The following C14orf132 variants were observed in gnomAD, a reference collection of about 807,000 sequenced individuals.
C14orf132 encodes chromosome 14 open reading frame 132.
In C14orf132, 6 loss-of-function variants were observed where a neutral mutation model predicts 5.8. That is an observed-to-expected ratio of 1.03 (90% confidence interval 0.57 to 2.04). The LOEUF is 2.04. Among genes scored for constraint, C14orf132 ranks in the 30% most tolerant of loss-of-function variants. C14orf132 has a pLI of 0.00. For synonymous variants in C14orf132, 51 were observed against 49.8 expected (o/e 1.02, Z -0.10); for missense variants, 125 against 115.8 (o/e 1.08, Z -0.37).
chr14:96,061,974 TA>T (rs1339526394), intron 1 of C14orf132, among the ~76,000 whole-genome samples: 1 of 152,174 alleles, frequency 6.6e-6, no homozygotes, highest in East Asian at 1.9e-4. Flanking sequence ...ACAGCTTTCT[TA>T]CAAATGCTCA....
rs906673029 is a variant in C14orf132 at position 96,063,257 on chromosome 14, A to T, written c.28-23254A>T. Among the ~76,000 whole-genome samples the T allele has an allele frequency of 7.9e-5, 12 of 152,026 alleles. 1 individual carries two copies. The highest frequency in any genetic ancestry group is 3.9e-4 in the East Asian group (2 of 5,162). ...GGATGGAGGTTCCGTATAAGAACTG[A>T]CCTCTTGAAAAGTACTGTCCACCCA... On this transcript the variant is annotated intron_variant, in intron 1 of 1. Coordinates refer to ENST00000555004, the MANE Select transcript of C14orf132 (RefSeq NM_001252507.3).
chr14:96,048,956 G>A (rs368605501), intron 1 of C14orf132, among the ~76,000 whole-genome samples: 17 of 152,080 alleles, frequency 1.1e-4, no homozygotes, highest in African/African-American at 2.4e-4. Flanking sequence ...ATGGAGTCTC[G>A]CTCTGTCATC....
chr14:96,063,549 T>C (rs1356362730), intron 1 of C14orf132, among the ~76,000 whole-genome samples: 1 of 152,066 alleles, frequency 6.6e-6, no homozygotes, highest in Non-Finnish European at 1.5e-5. Flanking sequence ...CCTCAGGTGA[T>C]CCACCTGCCT....
chr14:96,049,450 C>T (rs1031360183), intron 1 of C14orf132, among the ~76,000 whole-genome samples: 1 of 147,680 alleles, frequency 6.8e-6, no homozygotes. Flanking sequence ...ACACCATTCT[C>T]CTGCCTCAGC....
chr14:96,039,389 G>C lies in C14orf132; in HGVS notation c.-112G>C. The C allele has an allele frequency of 9.4e-7, 1 of 1,061,148 alleles. No individual in the cohort carries two copies. The highest frequency in any genetic ancestry group is 2.3e-5 in the South Asian group (1 of 44,286). The allele number at this position is 1,061,148 out of a possible 1,614,324, so 65.7% of individuals were successfully genotyped here. ...AAGCCCAGAGACAGCCGAGTGCGCC[G>C]TGCGGTCTCCGGACGCTCGCTGCTC... On this transcript the variant is annotated 5_prime_UTR_variant, in exon 1 of 2. Coordinates refer to ENST00000555004, the MANE Select transcript of C14orf132 (RefSeq NM_001252507.3). This position sits in a 1 kb window ranked among gnomAD's most constrained non-coding sequence, Gnocchi z 5.3.
intron 1 of C14orf132, among the ~76,000 whole-genome samples, chr14:96,065,323 T>C (rs1446866591): frequency 6.6e-6 from 1 of 152,114 alleles, no homozygotes; most frequent in African/African-American, 2.4e-5. Flanking sequence ...GCATCTCCAG[T>C]GGAGAATCTG....
At chr14:96,040,532 T>G (rs1431961833) in intron 1 of C14orf132, among the ~76,000 whole-genome samples, 2 of 152,132 alleles carry the variant, frequency 1.3e-5, no homozygotes, top group East Asian at 1.9e-4. Context: ...GAACGAAGTT[T>G]GAGGGGACAC....
At chr14:96,079,731 G>A (rs950979747) in intron 1 of C14orf132, among the ~76,000 whole-genome samples, 33 of 152,140 alleles carry the variant, frequency 2.2e-4, no homozygotes, top group African/African-American at 8.0e-4. Flanking sequence ...TGTACACTAA[G>A]TGGAGTCTTC....
At chr14:96,049,180 A>G (rs35615440) in intron 1 of C14orf132, among the ~76,000 whole-genome samples, 10,534 of 152,114 alleles carry the variant, frequency 0.069, 505 homozygotes, top group East Asian at 0.15. Context: ...TTGGGAGGCC[A>G]AGGCAGGCAG....
intron 1 of C14orf132, among the ~76,000 whole-genome samples, chr14:96,059,397 A>G (rs563272836): frequency 6.6e-6 from 1 of 152,356 alleles, no homozygotes; most frequent in South Asian, 2.1e-4. Context: ...ACAGCTTGAC[A>G]TGTATTGAGC....
intron 1 of C14orf132, among the ~76,000 whole-genome samples, chr14:96,076,158 G>A (rs1043998992): frequency 6.6e-6 from 1 of 152,002 alleles, no homozygotes; most frequent in East Asian, 1.9e-4. Flanking sequence ...GTTTTTTAAG[G>A]TATTGATTCA....
intron 1 of C14orf132, among the ~76,000 whole-genome samples, chr14:96,080,486 C>A (rs11625376): frequency 0.6 from 91,957 of 152,016 alleles, 28,301 homozygotes; most frequent in East Asian, 0.9. Flanking sequence ...TCACAATCAC[C>A]CTTCTATTGT....
At position 96,088,268 on chromosome 14, in the gene C14orf132, C is replaced by T. The variant is rs981300853; in HGVS notation, c.*1533C>T. On this transcript the variant is annotated 3_prime_UTR_variant, in exon 2 of 2. Coordinates refer to ENST00000555004, the MANE Select transcript of C14orf132 (RefSeq NM_001252507.3). ...CAGAAGCGGCACTCTTCCCTGGAAG[C>T]CGCCATGTTAATAGGATTACTAGCC... is the stretch of plus-strand genomic sequence containing the variant. 6.6e-6 allele frequency: 1 copy of T among 152,186 alleles called. No homozygotes were observed. Among genetic ancestry groups the T allele is most frequent in the African/African-American group, 2.4e-5 (1 of 41,452 alleles). 9.4% of individuals were successfully genotyped at this position (152,186 alleles called of 1,614,324 possible).
chr14:96,074,603 C>T (rs1452553443), intron 1 of C14orf132, among the ~76,000 whole-genome samples: 1 of 149,274 alleles, frequency 6.7e-6, no homozygotes, highest in Non-Finnish European at 1.5e-5. Flanking sequence ...AGATTGGGTT[C>T]CAAGTTCACA....
At position 96,080,462 on chromosome 14, in the gene C14orf132, C is replaced by T. The variant is rs189462919; in HGVS notation, c.28-6049C>T. On this transcript the variant is annotated intron_variant, in intron 1 of 1. Coordinates refer to ENST00000555004, the MANE Select transcript of C14orf132 (RefSeq NM_001252507.3). ...TAATGGAGGAGGGTCTGGTGGCCCC[C>T]GTATCACAAGCCATCACAATCACCC... is the stretch of plus-strand genomic sequence containing the variant. 2.3e-4 allele frequency among the ~76,000 whole-genome samples: 35 copies of T among 152,334 alleles called. No homozygotes were observed. The East Asian group carries it at 4.6e-3, about 20-fold the overall frequency.
At chr14:96,083,551 TGA>T (rs1175609643) in intron 1 of C14orf132, among the ~76,000 whole-genome samples, 2 of 151,890 alleles carry the variant, frequency 1.3e-5, no homozygotes, top group African/African-American at 2.4e-5. Flanking sequence ...GGCTGGAAGA[TGA>T]GAGAGAGAGA....
rs1049584047 is a variant in C14orf132, at chr14:96,087,382, G to C, written c.*647G>C. The C allele has an allele frequency of 9.2e-5, 14 of 152,240 alleles. No individual in the cohort carries two copies. Among genetic ancestry groups the C allele is most frequent in the African/African-American group, 3.1e-4 (13 of 41,352 alleles). The allele number at this position is 152,240 out of a possible 1,614,324, so 9.4% of individuals were successfully genotyped here. A position where few individuals can be genotyped will look rare whatever the true frequency, so the allele number is the denominator to read the frequency against. On this transcript the variant is annotated 3_prime_UTR_variant, in exon 2 of 2. Transcript: ENST00000555004. ...TGTTGTTGGTGGTTTTTATCTCCTG[G>C]TCGGACTTTCTCTTCTTTTTAAGAA...
At chr14:96,074,793 AACACT>A (rs3046327) in intron 1 of C14orf132, among the ~76,000 whole-genome samples, 82,822 of 151,452 alleles carry the variant, frequency 0.55, 23,181 homozygotes, top group East Asian at 0.9. Flanking sequence ...TCCTTTTGCT[AACACT>A]ACACTGTCTT....
intron 1 of C14orf132, among the ~76,000 whole-genome samples, chr14:96,081,872 T>C (rs980136375): frequency 2.0e-5 from 3 of 152,162 alleles, no homozygotes; most frequent in Non-Finnish European, 4.4e-5. Flanking sequence ...AGTGCTGGGA[T>C]TACAGGCATG....
Sources: allele counts gnomAD v4.1 joint callset (sites outside exome capture counted in the v4.1 genomes callset), GRCh38; gene constraint gnomAD v4.1.1; non-coding constraint Gnocchi (gnomAD v3.1); transcripts MANE v1.5; gene names NCBI Gene and HGNC (gene_info 2026-07-23, HGNC 2026-07-21).